LEMD1: variants seen among roughly 807,000 people sequenced by gnomAD.
LEMD1 encodes the protein LEM domain containing 1, also known as LEM domain-containing protein 1.
Under a neutral mutation model 17.4 loss-of-function variants are expected in LEMD1, and 18 were observed. That is an observed-to-expected ratio of 1.04 (90% CI 0.72 to 1.54). The LOEUF (loss-of-function observed/expected upper bound fraction) is 1.54. LEMD1 is among the 40% of genes most tolerant of loss of function. The pLI is 0.00. For synonymous variants in LEMD1, 88 were observed against 77.8 expected (o/e 1.13, Z -0.69); for missense variants, 195 against 210.4 (o/e 0.93, Z 0.45).
At chr1:205,413,587 C>CTTT (rs781477988) in intron 4 of LEMD1, among the ~76,000 whole-genome samples, 5 of 72,476 alleles carry the variant, frequency 6.9e-5, no homozygotes, top group Non-Finnish European at 9.5e-5. Context: ...CCATGCCCAA[C>CTTT]TTTTTTTTTT....
intron 1 of LEMD1, among the ~76,000 whole-genome samples, chr1:205,429,119 C>G (rs1666093792): frequency 6.6e-6 from 1 of 152,250 alleles, no homozygotes; most frequent in South Asian, 2.1e-4. Context: ...AAGTGATCAT[C>G]ACCACCATCC....
chr1:205,442,920 T>C (rs533949034), intron 1 of LEMD1, among the ~76,000 whole-genome samples: 51 of 152,278 alleles, frequency 3.3e-4, no homozygotes, highest in African/African-American at 1.2e-3. Flanking sequence ...TGCTGTGTCA[T>C]CCTAAGCAAG....
intron 4 of LEMD1, among the ~76,000 whole-genome samples, chr1:205,412,919 A>G (rs1391011977): frequency 1.3e-5 from 2 of 152,250 alleles, no homozygotes; most frequent in Non-Finnish European, 2.9e-5. Context: ...CTTTGCAGGA[A>G]CTATATTAAA....
At chr1:205,420,750 C>G (rs1338623) in intron 1 of LEMD1, among the ~76,000 whole-genome samples, 176 bp from the exon 2 acceptor site, 3,993 of 152,288 alleles carry the variant, frequency 0.026, 102 homozygotes, top group African/African-American at 0.062. Flanking sequence ...GATTAGTTGC[C>G]TCCAATGTAA....
chr1:205,390,130 G>A (rs1179915116), intron 4 of LEMD1, among the ~76,000 whole-genome samples: 4 of 152,136 alleles, frequency 2.6e-5, no homozygotes, highest in African/African-American at 9.7e-5. Context: ...CGAGTCAGGT[G>A]GATCACTTGA....
chr1:205,390,307 A>T (rs1031003688), intron 4 of LEMD1, among the ~76,000 whole-genome samples: 8 of 151,752 alleles, frequency 5.3e-5, no homozygotes, highest in African/African-American at 1.9e-4. Context: ...GTGAGCCGAG[A>T]TTACGCCACT....
intron 4 of LEMD1, among the ~76,000 whole-genome samples, chr1:205,392,111 A>G (rs1050421530): frequency 6.6e-6 from 1 of 152,090 alleles, no homozygotes; most frequent in African/African-American, 2.4e-5. Context: ...ACTCTGTCTC[A>G]AGAAAAACAA....
rs35717344 is a variant in LEMD1 at position 205,413,655 on chromosome 1, A to ATT, written c.270+2575_270+2576dup. Among the ~76,000 whole-genome samples, 277 of 78,746 alleles carry ATT rather than the reference A, an allele frequency of 3.5e-3. 1 individual carries two copies. The highest frequency in any genetic ancestry group is 0.012 in the African/African-American group (229 of 19,634). 51.7% of individuals were successfully genotyped at this position (78,746 alleles called of 152,430 possible). On this transcript the variant is annotated intron_variant, in intron 4 of 5. Transcript: ENST00000367153. The stretch of plus-strand genomic sequence containing the variant: ...GCTATGTTGCCCAGGATAAAATGCC[A>ATT]TTTTTTTTTTTTTTGAGAGTCTCCT...
intron 4 of LEMD1, among the ~76,000 whole-genome samples, chr1:205,388,202 C>CT (rs11317071): frequency 0.08 from 11,713 of 145,860 alleles, 501 homozygotes; most frequent in East Asian, 0.14. Context: ...ATCTTTCTTT[C>CT]TTTTTTTTTT....
chr1:205,428,630 G>C (rs1666087891), intron 1 of LEMD1, among the ~76,000 whole-genome samples: 1 of 152,182 alleles, frequency 6.6e-6, no homozygotes, highest in African/African-American at 2.4e-5. Flanking sequence ...AAAGCGCTCT[G>C]ATTTAGACTG....
chr1:205,391,946 GAAA>G (rs60047814), intron 4 of LEMD1, among the ~76,000 whole-genome samples: 2 of 110,012 alleles, frequency 1.8e-5, no homozygotes, highest in African/African-American at 3.1e-5. Flanking sequence ...CGTCTCTACC[GAAA>G]AAAAAAAAAA....
intron 1 of LEMD1, among the ~76,000 whole-genome samples, chr1:205,442,889 T>C (rs1000171642): frequency 6.6e-6 from 1 of 152,312 alleles, no homozygotes; most frequent in African/African-American, 2.4e-5. Flanking sequence ...CTGGGTTCTA[T>C]TCCTGGCTCT....
chr1:205,400,843 T>TCCC (rs58251224), intron 4 of LEMD1, among the ~76,000 whole-genome samples: 66 of 79,692 alleles, frequency 8.3e-4, no homozygotes, highest in South Asian at 4.5e-3. Flanking sequence ...ATGCTATCCC[T>TCCC]CCCCCCCCCC....
At chr1:205,423,054 C>T (rs931929177), upstream of LEMD1, among the ~76,000 whole-genome samples, 1 of 152,122 alleles carries the variant, frequency 6.6e-6, no homozygotes, top group South Asian at 2.1e-4. Flanking sequence ...AGCCCTAGCC[C>T]CAGAGAGTTT....
At chr1:205,430,466 T>C (rs1419051674) in intron 1 of LEMD1, among the ~76,000 whole-genome samples, 2 of 149,916 alleles carry the variant, frequency 1.3e-5, no homozygotes, top group African/African-American at 4.9e-5. Flanking sequence ...GGTGGGAGAG[T>C]AGGGTAGGGG....
chr1:205,393,856 CAA>C (rs1159859243), intron 4 of LEMD1, among the ~76,000 whole-genome samples: 18 of 63,636 alleles, frequency 2.8e-4, no homozygotes, highest in Admixed American at 3.5e-4. Flanking sequence ...GGTACCTAGC[CAA>C]AAAAAAAAAA....
intron 4 of LEMD1, among the ~76,000 whole-genome samples, chr1:205,414,889 AAAAT>A (rs1028639656): frequency 1.2e-4 from 18 of 152,168 alleles, no homozygotes; most frequent in Non-Finnish European, 1.9e-4. Flanking sequence ...CCCTGTCTCT[AAAAT>A]AAATAAATAA....
At chr1:205,398,327 C>T (rs1226239152) in intron 4 of LEMD1, among the ~76,000 whole-genome samples, 2 of 152,204 alleles carry the variant, frequency 1.3e-5, no homozygotes, top group Admixed American at 6.5e-5. Flanking sequence ...CAACTTGAAT[C>T]ACACACTACT....
chr1:205,403,260 A>C (rs1391690535), intron 4 of LEMD1, among the ~76,000 whole-genome samples: 1 of 152,134 alleles, frequency 6.6e-6, no homozygotes, highest in Non-Finnish European at 1.5e-5. Context: ...TGATTGGAAT[A>C]GTTTCAGAAG....
Sources: allele counts gnomAD v4.1 joint callset (sites outside exome capture counted in the v4.1 genomes callset), GRCh38; gene constraint gnomAD v4.1.1; transcripts MANE v1.5; gene names NCBI Gene and HGNC (gene_info 2026-07-23, HGNC 2026-07-21).